MTA1: variants seen among roughly 807,000 people sequenced by gnomAD.
The protein encoded by MTA1 is metastasis associated 1.
A neutral mutation model predicts 97.0 loss-of-function variants in MTA1; 15 were observed. That is an observed-to-expected ratio of 0.15 (90% CI 0.10 to 0.24). The LOEUF (loss-of-function observed/expected upper bound fraction) is 0.24. Ranked by LOEUF, MTA1 falls within the 10% of genes least tolerant of loss-of-function variation. MTA1 has a pLI of 1.00. For synonymous variants in MTA1, 435 were observed against 417.5 expected, an observed-to-expected ratio of 1.04 and a Z score of -0.51; for missense variants, 709 against 1,015.1, an observed-to-expected ratio of 0.70 and a Z score of 4.10.
intron 1 of MTA1, among the ~76,000 whole-genome samples, chr14:105,428,224 C>T (rs782673096): frequency 7.9e-5 from 12 of 152,112 alleles, no homozygotes; most frequent in Non-Finnish European, 1.8e-4. Flanking sequence ...TTTTCTGTTC[C>T]TGCCGTTTTG....
intron 3 of MTA1, 33 bp from the exon 4 acceptor site, chr14:105,449,326 C>T (rs201355292): frequency 3.7e-6 from 6 of 1,605,832 alleles, no homozygotes; most frequent in East Asian, 2.2e-5. Context: ...CTGTGCTGAC[C>T]GTGCTGCCGG....
chr14:105,440,039 G>A (rs2082457295), intron 2 of MTA1, among the ~76,000 whole-genome samples: 1 of 152,238 alleles, frequency 6.6e-6, no homozygotes, highest in Admixed American at 6.5e-5. Context: ...GGGCCGAGGA[G>A]CATGGGGTGC....
Position 105,420,640 on chromosome 14 carries a change from C to T in MTA1, c.28+577C>T, listed in dbSNP as rs182704423. Among the ~76,000 whole-genome samples, 1 of 152,192 alleles carries T rather than the reference C, an allele frequency of 6.6e-6. No homozygotes were observed. The highest frequency in any genetic ancestry group is 1.5e-5 in the Non-Finnish European group (1 of 68,016). On this transcript the variant is annotated intron_variant, in intron 1 of 20. Transcript: ENST00000331320. This position sits in a 1 kb window ranked among gnomAD's most constrained non-coding sequence, Gnocchi z 5.3. ...AGCATCCCGAGCACGCCTCTAAGTC[C>T]CCCCAAACTTTTCCCTGCCTCTCGC...
chr14:105,442,867 G>A (rs587749291), intron 2 of MTA1, among the ~76,000 whole-genome samples: 1 of 96,336 alleles, frequency 1.0e-5, no homozygotes, highest in African/African-American at 3.7e-5. Context: ...GACCTTGAGC[G>A]TCATGGAATG....
chr14:105,458,438 T>C, intron 8 of MTA1, 66 bp downstream of exon 8: 1 of 1,421,962 alleles, frequency 7.0e-7, no homozygotes, highest in East Asian at 2.3e-5. Flanking sequence ...CCCTTCCCTG[T>C]GGTGGGTGTT....
chr14:105,428,151 T>A (rs1555422637), intron 1 of MTA1, among the ~76,000 whole-genome samples: 1 of 152,116 alleles, frequency 6.6e-6, no homozygotes. Context: ...CCTGACATGC[T>A]TCTCTTGTGA....
intron 1 of MTA1, among the ~76,000 whole-genome samples, chr14:105,421,704 C>T (rs587714468): frequency 1.3e-5 from 2 of 152,364 alleles, no homozygotes; most frequent in East Asian, 3.9e-4. Context: ...CCTCGTCTCT[C>T]AGCCGTCCTT....
In MTA1 at chr14:105,463,499, T is replaced by C. The variant is rs1555431541; in HGVS notation, c.1024T>C (p.Leu342=). ...CCTTCTCTTTTGTTTTAAGAAACGCTTGAAAGCAGCTGAAGCTGAGAGCAA... is the reference window on the plus strand; with the variant it reads ...CCTTCTCTTTTGTTTTAAGAAACGCCTGAAAGCAGCTGAAGCTGAGAGCAA... The part of the protein sequence containing the change: ...TTDRYVQQKR[L]KAAEAESKLK... The change falls in exon 12 of 21, where the codon TTG becomes CTG. Residue 342 remains leucine, a synonymous_variant. Transcript: ENST00000331320. This position sits in a 1 kb window ranked among gnomAD's most constrained non-coding sequence, Gnocchi z 5.9. The C allele has an allele frequency of 6.2e-7, 1 of 1,613,132 alleles. No individual in the cohort carries two copies. Among genetic ancestry groups the C allele is most frequent in the African/African-American group, 1.3e-5 (1 of 75,052 alleles).
At chr14:105,441,787 C>G (rs1033161538) in intron 2 of MTA1, among the ~76,000 whole-genome samples, 58 of 152,206 alleles carry the variant, frequency 3.8e-4, no homozygotes, top group Admixed American at 2.7e-3. Context: ...GAGCGAGACT[C>G]TGTCTCAAAA....
intron 2 of MTA1, among the ~76,000 whole-genome samples, chr14:105,440,064 C>T (rs1217102573): frequency 1.4e-4 from 22 of 152,204 alleles, no homozygotes; most frequent in African/African-American, 4.6e-4. Flanking sequence ...TCTGCTCCCC[C>T]GCAGCTTCCT....
Position 105,466,506 on chromosome 14 carries a change from G to A in MTA1, c.1705G>A (p.Ala569Thr), listed in dbSNP as rs2083592740. The A allele has an allele frequency of 1.3e-6, 2 of 1,595,436 alleles. No individual in the cohort carries two copies. The highest frequency in any genetic ancestry group is 8.5e-7 in the Non-Finnish European group (1 of 1,172,000). ...CAGCAGCCTGACGCCCGCCAAGGTG[G>A]CCCCCGTCATCAACAACGGCTCCCC... ...VLSSLTPAKV[A>T]PVINNGSPTI... The change falls in exon 17 of 21, where the codon GCC (alanine) becomes ACC (threonine). Residue 569 changes from alanine (A) to threonine (T), a missense_variant. This residue lies in a region of MTA1 where 388 missense variants were observed against 421.6 expected (regional missense o/e 0.92). Transcript: ENST00000331320.
intron 10 of MTA1, among the ~76,000 whole-genome samples, chr14:105,462,879 A>C (rs1211021185): frequency 1.4e-5 from 2 of 146,544 alleles, no homozygotes; most frequent in Non-Finnish European, 3.1e-5. Context: ...AAAAACAAAC[A>C]AAAAAAAGGC....
chr14:105,446,703 G>A (rs1356741552), intron 3 of MTA1, among the ~76,000 whole-genome samples: 1 of 152,226 alleles, frequency 6.6e-6, no homozygotes, highest in African/African-American at 2.4e-5. Context: ...CTTGCCCACC[G>A]GACAGCTGGG....
In MTA1 at chr14:105,466,444, C is replaced by T. The variant is rs372041608; in HGVS notation, c.1643C>T (p.Pro548Leu). 15 of 1,595,634 alleles carry T rather than the reference C, an allele frequency of 9.4e-6. No individual in the cohort carries two copies. The highest frequency in any genetic ancestry group is 1.2e-5 in the Non-Finnish European group (14 of 1,169,178). Residue 548 changes from proline to leucine, a missense_variant, in exon 17 of 21, where the codon CCC becomes CTC. By Grantham distance (98) the Pro-to-Leu change is moderately conservative. This residue lies in a region of MTA1 where 388 missense variants were observed against 421.6 expected (regional missense o/e 0.92). Coordinates refer to ENST00000331320, the MANE Select transcript of MTA1 (RefSeq NM_004689.4). Reference protein sequence around the residue: ...LRYLETHPRPPKPDPVKSVSS... With the variant: ...LRYLETHPRPLKPDPVKSVSS... Reference sequence around the variant, plus strand: ...CCGGCAGAGACCCACCCCCGCCCCCCCAAGCCTGACCCCGTGAAAAGCGTG... The same window carrying T: ...CCGGCAGAGACCCACCCCCGCCCCCTCAAGCCTGACCCCGTGAAAAGCGTG...
chr14:105,446,627 G>C (rs999853097), intron 3 of MTA1, among the ~76,000 whole-genome samples: 1 of 152,242 alleles, frequency 6.6e-6, no homozygotes, highest in Non-Finnish European at 1.5e-5. Flanking sequence ...CCTTGTTCCT[G>C]AGCCTTTGCT....
chr14:105,447,003 G>A (rs781878965), intron 3 of MTA1, among the ~76,000 whole-genome samples: 6 of 152,256 alleles, frequency 3.9e-5, no homozygotes, highest in Non-Finnish European at 7.3e-5. Flanking sequence ...AGGCACCAAG[G>A]AGGAGAGCTG....
At chr14:105,467,280 C>T (rs2083633591) in intron 18 of MTA1, 1 of 397,980 alleles carries the variant, frequency 2.5e-6, no homozygotes, top group Non-Finnish European at 5.1e-6. Context: ...AGGACCAAGC[C>T]TAGCATGAGG....
At chr14:105,449,637 G>T (rs1399246254) in intron 4 of MTA1, among the ~76,000 whole-genome samples, 1 of 152,202 alleles carries the variant, frequency 6.6e-6, no homozygotes, top group Non-Finnish European at 1.5e-5. Context: ...GTGGTGGGCT[G>T]TATGGGGCTG....
chr14:105,436,479 T>C (rs1452529267), intron 1 of MTA1, among the ~76,000 whole-genome samples: 4 of 152,286 alleles, frequency 2.6e-5, no homozygotes, highest in Non-Finnish European at 4.4e-5. Flanking sequence ...ACCACAGTCA[T>C]GATACAGAAT....
Sources: allele counts gnomAD v4.1 joint callset (sites outside exome capture counted in the v4.1 genomes callset), GRCh38; gene constraint gnomAD v4.1.1; regional missense constraint gnomAD v4.1.1; non-coding constraint Gnocchi (gnomAD v3.1); transcripts MANE v1.5; gene names NCBI Gene and HGNC (gene_info 2026-07-23, HGNC 2026-07-21).